The following SLC12A8 variants were observed in gnomAD, a reference collection of about 807,000 sequenced individuals.
SLC12A8 encodes the protein solute carrier family 12 member 8.
In SLC12A8, 69 loss-of-function variants were observed where a neutral mutation model predicts 75.6. That is an observed-to-expected ratio of 0.91 (90% CI 0.75 to 1.11). The LOEUF is 1.11. Among genes scored for constraint, SLC12A8 ranks in the 50% most tolerant of loss-of-function variants. The probability of loss-of-function intolerance (pLI) is 0.00; values close to 1 mark genes in which losing one functional copy is unlikely to be tolerated. For synonymous variants in SLC12A8, 365 were observed against 372.8 expected (o/e 0.98, Z 0.24); for missense variants, 877 against 896.7 (o/e 0.98, Z 0.28).
intron 2 of SLC12A8, among the ~76,000 whole-genome samples, chr3:125,202,076 CT>C (rs1315806462): frequency 5.3e-5 from 8 of 152,030 alleles, no homozygotes; most frequent in Admixed American, 5.2e-4. Flanking sequence ...CCCAGCTAAA[CT>C]TTTTTGTATT....
At chr3:125,096,092 G>T (rs748504750) in intron 10 of SLC12A8, among the ~76,000 whole-genome samples, 13 of 152,068 alleles carry the variant, frequency 8.5e-5, no homozygotes, top group Non-Finnish European at 1.8e-4. Context: ...AGTCACTACT[G>T]GGCCTCTGCC....
In SLC12A8 at chr3:125,088,311, T is replaced by C. The variant is rs1579459326; in HGVS notation, c.1981A>G (p.Arg661Gly). The change falls in exon 13 of 14, where the codon AGG becomes GGG. Residue 661 changes from arginine (R) to glycine (G), a missense_variant and splice_region_variant. By Grantham distance (125) the Arg-to-Gly change is moderately radical. Coordinates refer to ENST00000469902, the MANE Select transcript of SLC12A8 (RefSeq NM_024628.6). Reference protein sequence around the residue: ...WMRSLLLPSCRSLRSPQEQII... With the variant: ...WMRSLLLPSCGSLRSPQEQII... ...TACTGGCTCCAAATTGGCACAGACC[T>C]GCAGGAGGGGAGCAAGAGAGACCTC... 1 of 1,614,108 alleles carries C rather than the reference T, an allele frequency of 6.2e-7. No homozygotes were observed. The highest frequency in any genetic ancestry group is 8.5e-7 in the Non-Finnish European group (1 of 1,180,000).
intron 6 of SLC12A8, among the ~76,000 whole-genome samples, chr3:125,133,763 G>A (rs1225288816): frequency 6.6e-6 from 1 of 152,154 alleles, no homozygotes; most frequent in Admixed American, 6.5e-5. Context: ...AGAGACCACA[G>A]GGTCTCACTA....
At chr3:125,151,593 G>GA in intron 5 of SLC12A8, 1 of 152,766 alleles carries the variant, frequency 6.5e-6, no homozygotes, top group South Asian at 2.1e-4. Context: ...ATGCTGAAGG[G>GA]GCAGCCCTGC....
At chr3:125,128,987 C>T (rs954130076) in intron 6 of SLC12A8, among the ~76,000 whole-genome samples, 9 of 152,116 alleles carry the variant, frequency 5.9e-5, no homozygotes, top group African/African-American at 2.2e-4. Context: ...AGGAGTCAGG[C>T]CCAGGGAGGT....
chr3:125,135,003 G>A (rs757037622), intron 6 of SLC12A8, among the ~76,000 whole-genome samples: 11 of 152,354 alleles, frequency 7.2e-5, no homozygotes, highest in Non-Finnish European at 1.5e-4. Context: ...TGGTCAACAT[G>A]TTAGCTTATT....
chr3:125,203,213 CATAA>C (rs898135884), intron 2 of SLC12A8, among the ~76,000 whole-genome samples: 1 of 148,886 alleles, frequency 6.7e-6, no homozygotes, highest in African/African-American at 2.5e-5. Context: ...ACATTGTTCA[CATAA>C]ATAGAAAAAA....
chr3:125,204,602 G>A (rs1038787191), intron 2 of SLC12A8, among the ~76,000 whole-genome samples: 1 of 152,126 alleles, frequency 6.6e-6, no homozygotes, highest in East Asian at 1.9e-4. Flanking sequence ...ATGAAGAGAG[G>A]TTGGTTAATG....
intron 2 of SLC12A8, among the ~76,000 whole-genome samples, chr3:125,203,128 A>C (rs903136839): frequency 4.6e-5 from 7 of 151,318 alleles, no homozygotes; most frequent in African/African-American, 1.7e-4. Flanking sequence ...AGTGAGAAGA[A>C]TTACTATTGT....
chr3:125,121,321 GA>G (rs1240472133), intron 6 of SLC12A8, among the ~76,000 whole-genome samples: 2 of 152,212 alleles, frequency 1.3e-5, no homozygotes, highest in African/African-American at 4.8e-5. Flanking sequence ...GTGAAGTGGG[GA>G]TGTTGCCTCT....
chr3:125,140,818 C>T (rs774639359), intron 5 of SLC12A8, among the ~76,000 whole-genome samples: 1 of 152,160 alleles, frequency 6.6e-6, no homozygotes, highest in Non-Finnish European at 1.5e-5. Context: ...CTCCCAGCCT[C>T]GAGCAACCCT....
chr3:125,095,022 T>C (rs1016749881), intron 10 of SLC12A8, among the ~76,000 whole-genome samples: 3 of 152,208 alleles, frequency 2.0e-5, no homozygotes, highest in African/African-American at 7.2e-5. Context: ...GCCTCCTCCT[T>C]CCAACCTGAA....
chr3:125,187,491 G>C, intron 3 of SLC12A8, 63 bp from the exon 4 acceptor site: 2 of 1,501,330 alleles, frequency 1.3e-6, no homozygotes, highest in Non-Finnish European at 1.8e-6. Context: ...GCTCCCTGCT[G>C]GGGGCATTGA....
At chr3:125,196,566 T>C (rs1275722233) in intron 2 of SLC12A8, among the ~76,000 whole-genome samples, 1 of 152,238 alleles carries the variant, frequency 6.6e-6, no homozygotes, top group Admixed American at 6.5e-5. Flanking sequence ...TTTATGGTTT[T>C]TAATATATAG....
chr3:125,197,692 T>A lies in SLC12A8; in HGVS notation c.52-7171A>T, dbSNP rs555130307. Among the ~76,000 whole-genome samples the A allele has an allele frequency of 2.6e-5, 4 of 152,214 alleles. No homozygotes were observed. The East Asian group carries it at 7.7e-4, about 29-fold the overall frequency. On this transcript the variant is annotated intron_variant, in intron 2 of 13. Coordinates refer to ENST00000469902, the MANE Select transcript of SLC12A8 (RefSeq NM_024628.6). ...TGGAATTGCTGTAGTGCCAAATATATCCCCTTTTATACTGATGTGGCTCTG... is the reference window on the plus strand; with the variant it reads ...TGGAATTGCTGTAGTGCCAAATATAACCCCTTTTATACTGATGTGGCTCTG...
chr3:125,126,309 T>C (rs532949022), intron 6 of SLC12A8, among the ~76,000 whole-genome samples: 10 of 152,318 alleles, frequency 6.6e-5, no homozygotes, highest in South Asian at 6.2e-4. Context: ...ACAGTTTCGA[T>C]GGATGGCACC....
intron 4 of SLC12A8, 82 bp from the exon 5 acceptor site, chr3:125,178,056 C>T: frequency 8.7e-7 from 1 of 1,154,558 alleles, no homozygotes. Context: ...GCTGAGAACC[C>T]TGCACCCCCA....
intron 5 of SLC12A8, among the ~76,000 whole-genome samples, chr3:125,174,083 C>A (rs1020889241): frequency 2.6e-5 from 4 of 152,144 alleles, no homozygotes; most frequent in Admixed American, 2.0e-4. Flanking sequence ...CAGAACAAGA[C>A]CCTGTCTCAA....
At chr3:125,170,788 G>T (rs550909557) in intron 5 of SLC12A8, among the ~76,000 whole-genome samples, 7 of 152,272 alleles carry the variant, frequency 4.6e-5, no homozygotes, top group African/African-American at 1.7e-4. Flanking sequence ...GGTGGCGGGC[G>T]CCTGTAGTCC....
Sources: allele counts gnomAD v4.1 joint callset (sites outside exome capture counted in the v4.1 genomes callset), GRCh38; gene constraint gnomAD v4.1.1; transcripts MANE v1.5; gene names NCBI Gene and HGNC (gene_info 2026-07-23, HGNC 2026-07-21).